Variants in DAPK2 observed in about 807,000 individuals in gnomAD.
DAPK2 encodes the protein death associated protein kinase 2.
In DAPK2, 35 loss-of-function variants were observed where a neutral mutation model predicts 44.1. That is an observed-to-expected ratio of 0.79 (90% CI 0.61 to 1.05). The LOEUF (loss-of-function observed/expected upper bound fraction) is 1.05, where lower values mean the gene tolerates loss of function less well. DAPK2 is among the 50% of genes least tolerant of loss of function. DAPK2 has a pLI of 0.00. For synonymous variants in DAPK2, 174 were observed against 182.6 expected (o/e 0.95, Z 0.38); for missense variants, 453 against 483.2 (o/e 0.94, Z 0.59).
At chr15:64,042,400 G>A (rs1390400658), upstream of DAPK2, among the ~76,000 whole-genome samples, 1 of 152,168 alleles carries the variant, frequency 6.6e-6, no homozygotes, top group Non-Finnish European at 1.5e-5. This position sits in a 1 kb window ranked among gnomAD's most constrained non-coding sequence, Gnocchi z 4.7. Flanking sequence ...AGGTCCTGCA[G>A]GGTGGGGTTA....
At chr15:64,031,236 CTT>C (rs780761441) in intron 1 of DAPK2, among the ~76,000 whole-genome samples, 27 of 141,632 alleles carry the variant, frequency 1.9e-4, no homozygotes, top group Admixed American at 3.5e-4. Flanking sequence ...GGCAGATTTT[CTT>C]TTTTTTTTTT....
intron 3 of DAPK2, among the ~76,000 whole-genome samples, chr15:63,961,106 C>T (rs2077888319): frequency 6.6e-6 from 1 of 152,118 alleles, no homozygotes; most frequent in Non-Finnish European, 1.5e-5. Flanking sequence ...ACGTAATGGC[C>T]TTCTTTGTCT....
chr15:64,045,805 AC>A (rs535424909), intron 1 of DAPK2, among the ~76,000 whole-genome samples: 140 of 152,082 alleles, frequency 9.2e-4, no homozygotes, highest in African/African-American at 3.3e-3. Context: ...TCCTAGCTCT[AC>A]CCCAGGCCGG....
At chr15:64,030,587 C>T (rs1468312209) in intron 1 of DAPK2, among the ~76,000 whole-genome samples, 4 of 152,112 alleles carry the variant, frequency 2.6e-5, no homozygotes, top group Non-Finnish European at 5.9e-5. Context: ...GTCTCCCTTC[C>T]TCCCCTTCCA....
At chr15:64,009,462 GC>G (rs1276626384) in intron 1 of DAPK2, among the ~76,000 whole-genome samples, 1 of 152,032 alleles carries the variant, frequency 6.6e-6, no homozygotes, top group Non-Finnish European at 1.5e-5. Flanking sequence ...GGCCCCAGGG[GC>G]CTTTCACCAC....
rs61471532 is a variant in DAPK2, at chr15:64,016,349, T to A, written c.92+23821A>T. On this transcript the variant is annotated intron_variant, in intron 1 of 10. Transcript: ENST00000261891. ...ATCACAGAGAGGCAGTGTAGTTCAG[T>A]GGAAATTGTTCTGGCTTTGGAGCCA... Among the ~76,000 whole-genome samples, 1,422 of 152,316 alleles carry A rather than the reference T, an allele frequency of 9.3e-3. 12 individuals are homozygous for A. The highest frequency in any genetic ancestry group is 0.033 in the African/African-American group (1,373 of 41,556).
rs1348922289 is a variant in DAPK2 at position 63,990,653 on chromosome 15, G to A, written c.93-6899C>T. On this transcript the variant is annotated intron_variant, in intron 1 of 10. Coordinates refer to ENST00000261891, the Ensembl canonical transcript of DAPK2. The surrounding 1 kb of genome is among the most constrained non-coding windows in gnomAD (Gnocchi z 4.3). ...GTGTTCCAAAGCAGAGGGTCGCGGA[G>A]ACTGGCTTCCTCCTCCTGCTTCCCC... 1.3e-5 allele frequency among the ~76,000 whole-genome samples: 2 copies of A among 152,168 alleles called. No homozygotes were observed. Among genetic ancestry groups the A allele is most frequent in the South Asian group, 2.1e-4 (1 of 4,824 alleles).
intron 1 of DAPK2, among the ~76,000 whole-genome samples, chr15:63,995,082 T>G (rs908820553): frequency 2.6e-5 from 4 of 152,136 alleles, no homozygotes; most frequent in African/African-American, 9.7e-5. Context: ...TAAAGCAAAT[T>G]CTCAATTTTG....
chr15:63,988,551 A>G (rs1174704052), intron 1 of DAPK2, among the ~76,000 whole-genome samples: 1 of 144,554 alleles, frequency 6.9e-6, no homozygotes, highest in Non-Finnish European at 1.5e-5. Flanking sequence ...GTTGCCCAGG[A>G]TGGAGTACGG....
intron 1 of DAPK2, among the ~76,000 whole-genome samples, chr15:64,015,134 G>C (rs144624293): frequency 6.6e-6 from 1 of 152,168 alleles, no homozygotes; most frequent in African/African-American, 2.4e-5. Flanking sequence ...AAAGGGTACC[G>C]TGTGGTCAGG....
chr15:64,024,435 C>T (rs1174065706), intron 1 of DAPK2, among the ~76,000 whole-genome samples: 5 of 152,214 alleles, frequency 3.3e-5, no homozygotes, highest in South Asian at 2.1e-4. Context: ...TATTCTTATT[C>T]GGACATTAAA....
At chr15:64,001,101 A>G (rs2079073741) in intron 1 of DAPK2, among the ~76,000 whole-genome samples, 1 of 151,836 alleles carries the variant, frequency 6.6e-6, no homozygotes, top group Non-Finnish European at 1.5e-5. Flanking sequence ...GCTGGTCTAG[A>G]ACTCCTGACC....
intron 8 of DAPK2, among the ~76,000 whole-genome samples, chr15:63,914,883 T>C (rs1035221750): frequency 4.6e-5 from 7 of 152,226 alleles, no homozygotes; most frequent in African/African-American, 1.7e-4. Context: ...CATGATTCAC[T>C]ATGCCGGGGC....
intron 1 of DAPK2, among the ~76,000 whole-genome samples, chr15:64,036,299 G>GTA (rs1367491000): frequency 0.036 from 1,697 of 47,564 alleles, 55 homozygotes; most frequent in Non-Finnish European, 0.087. Flanking sequence ...GTGTGTGTGT[G>GTA]TGTGTGTGTG....
At chr15:64,027,653 G>C (rs982819989) in intron 1 of DAPK2, among the ~76,000 whole-genome samples, 1 of 152,184 alleles carries the variant, frequency 6.6e-6, no homozygotes, top group Non-Finnish European at 1.5e-5. Flanking sequence ...TAAGGGGAAA[G>C]TACAGAAAAC....
chr15:63,998,724 G>A (rs911511429), intron 1 of DAPK2, among the ~76,000 whole-genome samples: 10 of 152,198 alleles, frequency 6.6e-5, no homozygotes, highest in Admixed American at 2.0e-4. Context: ...CTTGCAGCTC[G>A]TCCTGCCCTG....
chr15:63,994,410 AAAGGAAGGAAGGAAGGAAGGAAGG>A (rs56254515), intron 1 of DAPK2, among the ~76,000 whole-genome samples: 33,666 of 141,778 alleles, frequency 0.24, 4,111 homozygotes, highest in African/African-American at 0.32. Flanking sequence ...TGTTAAAAGA[AAAGGAAGGAAGGAAGGAAGGAAGG>A]AAGGAAGGAA....
intron 3 of DAPK2, among the ~76,000 whole-genome samples, chr15:63,971,176 G>C (rs1487630712): frequency 6.6e-6 from 1 of 152,198 alleles, no homozygotes; most frequent in African/African-American, 2.4e-5. Flanking sequence ...AAATAAATAA[G>C]GTGCCTGAAG....
At chr15:63,921,214 A>G (rs1430965511) in intron 8 of DAPK2, 1 of 152,186 alleles carries the variant, frequency 6.6e-6, no homozygotes, top group East Asian at 1.9e-4. Context: ...AAATGGATGG[A>G]TGAATCCAGG....
Sources: allele counts gnomAD v4.1 joint callset (sites outside exome capture counted in the v4.1 genomes callset), GRCh38; gene constraint gnomAD v4.1.1; non-coding constraint Gnocchi (gnomAD v3.1); transcripts MANE v1.5; gene names NCBI Gene and HGNC (gene_info 2026-07-23, HGNC 2026-07-21).